Variants in PCDHA2 observed in about 807,000 individuals in gnomAD.
The protein encoded by PCDHA2 is protocadherin alpha-2.
PCDHA2 carries 58 observed loss-of-function variants against 66.0 expected under a neutral mutation model. The observed-to-expected ratio is 0.88, with a 90% CI of 0.71 to 1.09. PCDHA2 has a LOEUF of 1.09. Ranked by LOEUF, PCDHA2 falls within the 50% of genes least tolerant of loss-of-function variation. PCDHA2 has a pLI of 0.00. For missense variants in PCDHA2, 1,267 were observed against 1,242.3 expected (o/e 1.02, Z -0.30); for synonymous variants, 634 against 554.0 (o/e 1.14, Z -2.03).
At chr5:140,809,164 G>GACGGCC (rs782115685) in intron 1 of PCDHA2, 1 of 1,614,000 alleles carries the variant, frequency 6.2e-7, no homozygotes, top group Non-Finnish European at 8.5e-7. Context: ...AGCCCGCGCT[G>GACGGCC]ACGGCCACGG....
At chr5:140,880,643 A>G (rs937655917) in intron 1 of PCDHA2, among the ~76,000 whole-genome samples, 1 of 152,198 alleles carries the variant, frequency 6.6e-6, no homozygotes, top group African/African-American at 2.4e-5. Context: ...TTCACTTGAG[A>G]GCCCAACTGA....
intron 1 of PCDHA2, chr5:140,866,269 TAAAG>T (rs2049248752): frequency 2.6e-5 from 4 of 152,174 alleles, no homozygotes; most frequent in Admixed American, 2.6e-4. Context: ...TTACTGTGAA[TAAAG>T]ACAGTGTTTG....
At chr5:140,830,820 G>C (rs1771259303) in intron 1 of PCDHA2, 2 of 156,158 alleles carry the variant, frequency 1.3e-5, no homozygotes, top group African/African-American at 4.8e-5. Flanking sequence ...GTTTGCCTTT[G>C]AGCTTTAGGA....
intron 2 of PCDHA2, 130 bp from the exon 3 acceptor site, chr5:140,982,345 A>G: frequency 6.8e-7 from 1 of 1,471,098 alleles, no homozygotes; most frequent in Non-Finnish European, 9.1e-7. Context: ...TAATTGCTTC[A>G]GTTCAAGCAT....
chr5:140,909,061 A>G (rs2074290709), intron 1 of PCDHA2, among the ~76,000 whole-genome samples: 2 of 152,188 alleles, frequency 1.3e-5, no homozygotes, highest in African/African-American at 4.8e-5. Context: ...CAAATGTCTC[A>G]CCAATAAGCC....
At chr5:140,804,056 T>A (rs782242536) in intron 1 of PCDHA2, 1 of 163,856 alleles carries the variant, frequency 6.1e-6, no homozygotes, top group Non-Finnish European at 1.3e-5. Flanking sequence ...CTATTGATTA[T>A]GCTTTTCCAC....
At chr5:140,942,332 C>T (rs2093271266) in intron 1 of PCDHA2, among the ~76,000 whole-genome samples, 1 of 151,760 alleles carries the variant, frequency 6.6e-6, no homozygotes, top group Non-Finnish European at 1.5e-5. Flanking sequence ...ATCACTTGAA[C>T]CAGAGGGAGG....
chr5:140,871,211 T>C (rs781784103), intron 1 of PCDHA2: 2 of 1,613,842 alleles, frequency 1.2e-6, no homozygotes, highest in Non-Finnish European at 1.7e-6. Context: ...ATCATCGCCA[T>C]CTGCGTGGTG....
intron 1 of PCDHA2, chr5:140,966,454 C>G (rs897696652): frequency 1.6e-5 from 7 of 426,406 alleles, no homozygotes; most frequent in Non-Finnish European, 1.6e-5. Flanking sequence ...TCCCCCTCCC[C>G]CTCTGTCTTC....
At chr5:140,988,761 A>G (rs1320753301) in intron 3 of PCDHA2, among the ~76,000 whole-genome samples, 1 of 152,218 alleles carries the variant, frequency 6.6e-6, no homozygotes, top group Non-Finnish European at 1.5e-5. Context: ...TGGGCAGAAT[A>G]CAGTCATGGT....
intron 1 of PCDHA2, among the ~76,000 whole-genome samples, chr5:140,944,014 C>A (rs1205860914): frequency 1.3e-5 from 2 of 152,022 alleles, no homozygotes; most frequent in African/African-American, 2.4e-5. Context: ...CCCCCAAAAG[C>A]AATTATCTTC....
intron 1 of PCDHA2, among the ~76,000 whole-genome samples, chr5:140,885,862 T>C (rs2060742623): frequency 6.6e-6 from 1 of 152,182 alleles, no homozygotes; most frequent in African/African-American, 2.4e-5. Flanking sequence ...TACTTTTCTA[T>C]TGAAAAAAAA....
At chr5:140,973,921 C>T (rs1407436010) in intron 1 of PCDHA2, among the ~76,000 whole-genome samples, 1 of 152,210 alleles carries the variant, frequency 6.6e-6, no homozygotes, top group Non-Finnish European at 1.5e-5. Context: ...TGTCACCAAA[C>T]CCAGAGGTTT....
chr5:140,986,204 T>A (rs2097190386), intron 3 of PCDHA2, among the ~76,000 whole-genome samples: 1 of 152,224 alleles, frequency 6.6e-6, no homozygotes, highest in African/African-American at 2.4e-5. Context: ...TAATCCTGAT[T>A]ACTGGCCCCT....
At chr5:140,948,489 T>C (rs547481990) in intron 1 of PCDHA2, among the ~76,000 whole-genome samples, 6 of 151,790 alleles carry the variant, frequency 4.0e-5, no homozygotes, top group Admixed American at 3.3e-4. Context: ...TTCAATTTCT[T>C]TCATAGACTT....
chr5:140,952,338 C>CAAAAAAAA (rs55931446), intron 1 of PCDHA2, among the ~76,000 whole-genome samples: 1 of 135,028 alleles, frequency 7.4e-6, no homozygotes. Context: ...AACTCCATCT[C>CAAAAAAAA]AAAAAAAAAA....
chr5:140,854,169 A>AAAAAG, intron 1 of PCDHA2: 1 of 675,122 alleles, frequency 1.5e-6, no homozygotes, highest in South Asian at 6.4e-5. Flanking sequence ...CAAAAAAAAA[A>AAAAAG]AAAAAAAGAG....
At chr5:140,943,650 C>A (rs2093540673) in intron 1 of PCDHA2, among the ~76,000 whole-genome samples, 1 of 151,974 alleles carries the variant, frequency 6.6e-6, no homozygotes, top group African/African-American at 2.4e-5. Flanking sequence ...ATAAAACCAT[C>A]TATGAACAAT....
intron 1 of PCDHA2, among the ~76,000 whole-genome samples, chr5:140,973,323 A>G (rs1331752602): frequency 1.3e-5 from 2 of 152,160 alleles, no homozygotes; most frequent in African/African-American, 4.8e-5. Flanking sequence ...AACAGAGTTT[A>G]CACTCGTTGT....
Sources: gnomAD v4.1 joint callset for allele counts (sites outside exome capture counted in the v4.1 genomes callset) on GRCh38, gnomAD v4.1.1 for gene constraint, MANE v1.5 for transcripts, NCBI Gene and HGNC (gene_info 2026-07-23, HGNC 2026-07-21) for gene names.